The following NYAP2 variants were observed in gnomAD, a reference collection of about 807,000 sequenced individuals.
NYAP2 encodes neuronal tyrosine-phosphorylated phosphoinositide-3-kinase adaptor 2.
In NYAP2, 23 loss-of-function variants were observed where a neutral mutation model predicts 50.4. The ratio of observed to expected loss-of-function variants is 0.46; its 90% CI spans 0.33 to 0.65. The LOEUF is 0.65. Among genes scored for constraint, NYAP2 ranks in the 30% least tolerant of loss-of-function variants. NYAP2 has a pLI of 0.02. For synonymous variants in NYAP2, 394 were observed against 365.2 expected (o/e 1.08, Z -0.90); for missense variants, 885 against 861.0 (o/e 1.03, Z -0.35).
At chr2:225,520,979 G>A (rs903017204) in intron 4 of NYAP2, among the ~76,000 whole-genome samples, 8 of 149,592 alleles carry the variant, frequency 5.3e-5, no homozygotes, top group African/African-American at 2.0e-4. Context: ...TCCTTGAAGA[G>A]GTCCTTCACA....
intron 4 of NYAP2, among the ~76,000 whole-genome samples, chr2:225,547,143 A>G (rs1691599241): frequency 6.6e-6 from 1 of 152,172 alleles, no homozygotes; most frequent in African/African-American, 2.4e-5. Context: ...CGTAAGCTGC[A>G]CTGCCAAGCA....
chr2:225,528,615 G>C (rs1204293472), intron 4 of NYAP2, among the ~76,000 whole-genome samples: 2 of 152,200 alleles, frequency 1.3e-5, no homozygotes, highest in Non-Finnish European at 2.9e-5. Context: ...CCTCACTGCT[G>C]AGTTTCCTCA....
At chr2:225,459,683 G>A (rs1013514654) in intron 3 of NYAP2, among the ~76,000 whole-genome samples, 14 of 150,958 alleles carry the variant, frequency 9.3e-5, no homozygotes, top group East Asian at 1.9e-4. Context: ...TCGCTCTGTC[G>A]CCCAGGCTGG....
intron 4 of NYAP2, among the ~76,000 whole-genome samples, chr2:225,555,872 T>A (rs1296044595): frequency 6.6e-6 from 1 of 152,160 alleles, no homozygotes; most frequent in Admixed American, 6.5e-5. Flanking sequence ...TCCATTCACT[T>A]TGGGCATTGA....
chr2:225,591,527 G>A (rs1574697724), intron 5 of NYAP2, among the ~76,000 whole-genome samples: 1 of 152,076 alleles, frequency 6.6e-6, no homozygotes, highest in East Asian at 1.9e-4. Context: ...TAATAATAGT[G>A]GCATATACTT....
chr2:225,670,065 T>A, the NYAP2 span, among the ~76,000 whole-genome samples: 1 of 152,146 alleles, frequency 6.6e-6, no homozygotes, highest in Non-Finnish European at 1.5e-5. Flanking sequence ...CAAACAGAAG[T>A]GGTATTTGCA....
chr2:225,476,482 C>A (rs1476839842), intron 3 of NYAP2, among the ~76,000 whole-genome samples: 1 of 151,776 alleles, frequency 6.6e-6, no homozygotes, highest in Non-Finnish European at 1.5e-5. Flanking sequence ...CATTCTATTT[C>A]TAATGCCTTT....
chr2:225,535,581 A>G (rs1210118039), intron 4 of NYAP2, among the ~76,000 whole-genome samples: 1 of 152,188 alleles, frequency 6.6e-6, no homozygotes, highest in Non-Finnish European at 1.5e-5. Flanking sequence ...CTTATAGGCT[A>G]TCCTATGGCT....
At chr2:225,650,068 T>C (rs1409587873) in intron 6 of NYAP2, among the ~76,000 whole-genome samples, 1 of 152,162 alleles carries the variant, frequency 6.6e-6, no homozygotes, top group Non-Finnish European at 1.5e-5. Context: ...GAAACAGGAC[T>C]GAGAGAGGAA....
intron 3 of NYAP2, among the ~76,000 whole-genome samples, chr2:225,459,472 T>C (rs1689789703): frequency 6.6e-6 from 1 of 152,258 alleles, no homozygotes; most frequent in African/African-American, 2.4e-5. Flanking sequence ...CTCCTAACAA[T>C]GGTTGAACTA....
intron 4 of NYAP2, among the ~76,000 whole-genome samples, chr2:225,551,624 CT>C (rs564752717): frequency 4.6e-5 from 7 of 152,054 alleles, no homozygotes; most frequent in Non-Finnish European, 1.0e-4. Context: ...CTCTTTTGTT[CT>C]TTTTTTAAGA....
intron 3 of NYAP2, among the ~76,000 whole-genome samples, chr2:225,410,056 A>C (rs1334770613): frequency 1.3e-5 from 2 of 152,114 alleles, no homozygotes; most frequent in African/African-American, 4.8e-5. Flanking sequence ...ATATTTAAAA[A>C]ACCAAAATGT....
At chr2:225,516,876 A>C (rs1375564213) in intron 4 of NYAP2, among the ~76,000 whole-genome samples, 4 of 152,172 alleles carry the variant, frequency 2.6e-5, no homozygotes, top group Admixed American at 2.6e-4. Flanking sequence ...TATAAATCTT[A>C]GCCTGTCTTT....
chr2:225,559,019 G>T (rs1430327454), intron 4 of NYAP2, among the ~76,000 whole-genome samples: 3 of 152,028 alleles, frequency 2.0e-5, no homozygotes, highest in African/African-American at 4.8e-5. Flanking sequence ...ATGACAACCT[G>T]GAGAAATTGT....
At chr2:225,594,457 A>T (rs2106237499) in intron 5 of NYAP2, among the ~76,000 whole-genome samples, 1 of 152,198 alleles carries the variant, frequency 6.6e-6, no homozygotes, top group East Asian at 1.9e-4. Context: ...CCGGGGGCAG[A>T]GGTCACAGTG....
chr2:225,521,781 A>G (rs375596763), intron 4 of NYAP2, among the ~76,000 whole-genome samples: 2 of 151,974 alleles, frequency 1.3e-5, no homozygotes, highest in African/African-American at 2.4e-5. Context: ...GGATGATGCT[A>G]ACCTCATAAA....
chr2:225,617,787 G>A (rs1467599200), intron 5 of NYAP2, among the ~76,000 whole-genome samples: 1 of 152,196 alleles, frequency 6.6e-6, no homozygotes, highest in African/African-American at 2.4e-5. Flanking sequence ...TGCTTGCTAT[G>A]CATGGCCCAT....
At chr2:225,593,352 G>T (rs1692542737) in intron 5 of NYAP2, among the ~76,000 whole-genome samples, 1 of 152,120 alleles carries the variant, frequency 6.6e-6, no homozygotes. Flanking sequence ...TTGGCTTCTT[G>T]TGTGGGGCTT....
intron 3 of NYAP2, among the ~76,000 whole-genome samples, chr2:225,487,894 T>G (rs1489312148): frequency 2.6e-5 from 4 of 152,222 alleles, no homozygotes; most frequent in Admixed American, 2.6e-4. Flanking sequence ...TTTAACCAAA[T>G]CCTCTATTCG....
Sources: allele counts gnomAD v4.1 joint callset (sites outside exome capture counted in the v4.1 genomes callset), GRCh38; gene constraint gnomAD v4.1.1; transcripts MANE v1.5; gene names NCBI Gene and HGNC (gene_info 2026-07-23, HGNC 2026-07-21).